TMEM245: variants seen among roughly 807,000 people sequenced by gnomAD.
The protein encoded by TMEM245 is protein CG-2.
A neutral mutation model predicts 101.2 loss-of-function variants in TMEM245; 69 were observed. That is an observed-to-expected ratio of 0.68 (90% CI 0.56 to 0.83). The LOEUF is 0.83. TMEM245 is among the 40% of genes least tolerant of loss of function. The probability of loss-of-function intolerance (pLI) is 0.00; values close to 1 mark genes in which losing one functional copy is unlikely to be tolerated. For missense variants in TMEM245, 1,075 were observed against 1,092.8 expected (o/e 0.98, Z 0.23); for synonymous variants, 537 against 449.8 (o/e 1.19, Z -2.45).
intron 12 of TMEM245, among the ~76,000 whole-genome samples, chr9:109,053,589 T>C (rs1211939328): frequency 1.3e-5 from 2 of 152,172 alleles, no homozygotes; most frequent in African/African-American, 4.8e-5. Context: ...AACTAAGCAA[T>C]GTGGTCATGA....
intron 14 of TMEM245, among the ~76,000 whole-genome samples, chr9:109,040,665 G>A (rs1020394658): frequency 2.6e-5 from 4 of 152,242 alleles, no homozygotes; most frequent in African/African-American, 9.6e-5. Context: ...TGAGTGTGCA[G>A]TTCAATAGTG....
At position 109,039,845 on chromosome 9, in the gene TMEM245, G is replaced by T. The variant is rs113442705; in HGVS notation, c.2124-1728C>A. ...GAATAATGACATAATCGACCACAGAGAAAAAGAAAGGAAAAAAGTATAGAA... is the reference window on the plus strand; with the variant it reads ...GAATAATGACATAATCGACCACAGATAAAAAGAAAGGAAAAAAGTATAGAA... On this transcript the variant is annotated intron_variant, in intron 14 of 17. Coordinates refer to ENST00000374586, the MANE Select transcript of TMEM245 (RefSeq NM_032012.4). Among the ~76,000 whole-genome samples, 147 of 152,014 alleles carry T rather than the reference G, an allele frequency of 9.7e-4. 1 individual carries two copies. The highest frequency in any genetic ancestry group is 3.3e-3 in the African/African-American group (137 of 41,460).
chr9:109,104,303 T>C (rs1232504644), intron 3 of TMEM245, among the ~76,000 whole-genome samples: 1 of 151,942 alleles, frequency 6.6e-6, no homozygotes, highest in African/African-American at 2.4e-5. Context: ...ATGTACCCCA[T>C]AAATATATAC....
intron 17 of TMEM245, among the ~76,000 whole-genome samples, chr9:109,026,032 T>C (rs1827781071): frequency 6.6e-6 from 1 of 152,194 alleles, no homozygotes; most frequent in Non-Finnish European, 1.5e-5. Flanking sequence ...CCATCTATTC[T>C]CTACTGTCAC....
At position 109,020,414 on chromosome 9, in the gene TMEM245, T is replaced by A; in HGVS notation, c.*46A>T. The A allele has an allele frequency of 6.3e-7, 1 of 1,591,610 alleles. No homozygotes were observed. The highest frequency in any genetic ancestry group is 8.6e-7 in the Non-Finnish European group (1 of 1,159,518). ...AGGGCCACAGCTGAGCTGAACTCGC[T>A]GTCAAATTTGAACTTCCTAGAAAAA... On this transcript the variant is annotated 3_prime_UTR_variant, in exon 18 of 18. Coordinates refer to ENST00000374586, the MANE Select transcript of TMEM245 (RefSeq NM_032012.4).
intron 3 of TMEM245, among the ~76,000 whole-genome samples, chr9:109,097,348 A>T (rs139150085): frequency 4.7e-4 from 71 of 152,304 alleles, no homozygotes; most frequent in African/African-American, 1.6e-3. Context: ...ACCGGAAGAT[A>T]GTGTGAATGA....
Position 109,080,856 on chromosome 9 carries a change from G to C in TMEM245, c.1432C>G (p.Leu478Val). Residue 478 changes from leucine (L) to valine (V), a missense_variant, in exon 8 of 18, where the codon CTA becomes GTA. Transcript: ENST00000374586. Reference protein sequence around the residue: ...LLVIGTLLLALLLTAKVHQES... With the variant: ...LLVIGTLLLAVLLTAKVHQES... ...TACTCTACCTTTGCAGTCAGGAGTAGGGCTAAAAGAAGAGTTCCTATCACT... is the reference window on the plus strand; with the variant it reads ...TACTCTACCTTTGCAGTCAGGAGTACGGCTAAAAGAAGAGTTCCTATCACT... The C allele has an allele frequency of 6.3e-7, 1 of 1,595,666 alleles. No homozygotes were observed. The highest frequency in any genetic ancestry group is 8.6e-7 in the Non-Finnish European group (1 of 1,164,330).
intron 8 of TMEM245, among the ~76,000 whole-genome samples, chr9:109,080,089 A>G (rs1829624578): frequency 6.6e-6 from 1 of 152,118 alleles, no homozygotes; most frequent in Non-Finnish European, 1.5e-5. Context: ...TAGATTATCA[A>G]TTATAGTTAC....
chr9:109,098,198 A>C (rs1830191701), intron 3 of TMEM245, among the ~76,000 whole-genome samples: 1 of 152,196 alleles, frequency 6.6e-6, no homozygotes, highest in African/African-American at 2.4e-5. Flanking sequence ...ATTCGAGAAA[A>C]AGCTAAACCC....
At chr9:109,071,330 C>T (rs1829325860) in intron 9 of TMEM245, among the ~76,000 whole-genome samples, 1 of 151,570 alleles carries the variant, frequency 6.6e-6, no homozygotes, top group South Asian at 2.1e-4. Flanking sequence ...TCAAATAGGC[C>T]AGGCACAGTG....
At chr9:109,060,774 G>C (rs146409298) in intron 10 of TMEM245, among the ~76,000 whole-genome samples, 3 of 152,104 alleles carry the variant, frequency 2.0e-5, no homozygotes, top group Non-Finnish European at 2.9e-5. Context: ...TCTTTCCCCT[G>C]TAATCCCAGT....
chr9:109,107,873 C>G (rs752218855), intron 2 of TMEM245, among the ~76,000 whole-genome samples: 1 of 152,188 alleles, frequency 6.6e-6, no homozygotes, highest in East Asian at 1.9e-4. Context: ...GCAGCTCTGA[C>G]ATGAATCATC....
intron 12 of TMEM245, among the ~76,000 whole-genome samples, chr9:109,055,658 G>T (rs1588038329): frequency 6.8e-6 from 1 of 147,296 alleles, no homozygotes; most frequent in African/African-American, 2.5e-5. Flanking sequence ...TTTTAAGATG[G>T]AGTTTCGCTC....
chr9:109,059,323 A>C (rs1828938278), intron 11 of TMEM245, among the ~76,000 whole-genome samples: 2 of 152,298 alleles, frequency 1.3e-5, no homozygotes, highest in African/African-American at 4.8e-5. Flanking sequence ...ATTCAAATTT[A>C]AAATCAGCCC....
At chr9:109,083,063 CAG>C (rs1829714115) in intron 7 of TMEM245, among the ~76,000 whole-genome samples, 1 of 150,238 alleles carries the variant, frequency 6.7e-6, no homozygotes. Context: ...GAAAGAGAAA[CAG>C]AGACTAAGAT....
rs750691001 is a variant in TMEM245, at chr9:109,119,617, G to A, written c.297C>T (p.Ser99=). 5.1e-6 allele frequency: 8 copies of A among 1,559,856 alleles called. No homozygotes were observed. Among genetic ancestry groups the A allele is most frequent in the Admixed American group, 1.9e-5 (1 of 52,158 alleles). The part of the protein sequence containing the change: ...LCGTFLHPFK[S]SLTRLGRHWL... ...AGTGGCGGCCCAGGCGCGTCAGCGAGCTCTTGAAGGGGTGCAGAAAAGTGC... is the reference window on the plus strand; with the variant it reads ...AGTGGCGGCCCAGGCGCGTCAGCGAACTCTTGAAGGGGTGCAGAAAAGTGC... The change falls in exon 1 of 18, where the codon AGC becomes AGT. Residue 99 remains serine (S), a synonymous_variant. Transcript: ENST00000374586.
intron 8 of TMEM245, among the ~76,000 whole-genome samples, chr9:109,078,907 C>T (rs1229068995): frequency 2.6e-5 from 4 of 152,100 alleles, no homozygotes; most frequent in Non-Finnish European, 5.9e-5. Flanking sequence ...TGATATTGTC[C>T]CACAGGTGTC....
At chr9:109,116,473 G>A (rs185335002) in intron 1 of TMEM245, among the ~76,000 whole-genome samples, 108 of 152,220 alleles carry the variant, frequency 7.1e-4, no homozygotes, top group African/African-American at 2.4e-3. Context: ...CTCCTCCCTC[G>A]GCCTCCCAAA....
intron 11 of TMEM245, among the ~76,000 whole-genome samples, chr9:109,058,188 T>G (rs1301918800): frequency 6.6e-6 from 1 of 151,642 alleles, no homozygotes; most frequent in Non-Finnish European, 1.5e-5. Flanking sequence ...GTATTTTTAG[T>G]AGAGACGGGG....
Sources: gnomAD v4.1 joint callset for allele counts (sites outside exome capture counted in the v4.1 genomes callset) on GRCh38, gnomAD v4.1.1 for gene constraint, MANE v1.5 for transcripts, NCBI Gene and HGNC (gene_info 2026-07-23, HGNC 2026-07-21) for gene names.